USH2A: variants seen among roughly 807,000 people sequenced by gnomAD.
USH2A encodes the protein Usher syndrome 2A (autosomal recessive, mild).
USH2A carries 443 observed loss-of-function variants against 538.9 expected under a neutral mutation model. That is an observed-to-expected ratio of 0.82 (90% CI 0.76 to 0.89). USH2A has a LOEUF of 0.89. Ranked by LOEUF, USH2A falls within the 40% of genes least tolerant of loss-of-function variation. The pLI is 0.00. For missense variants in USH2A, 6,633 were observed against 6,324.8 expected (o/e 1.05, Z -1.65); for synonymous variants, 2,413 against 2,273.5 (o/e 1.06, Z -1.75).
intron 38 of USH2A, among the ~76,000 whole-genome samples, chr1:215,903,172 A>C (rs571823283): frequency 6.6e-6 from 1 of 152,234 alleles, no homozygotes; most frequent in Non-Finnish European, 1.5e-5. Context: ...CAGCTGTATC[A>C]ACTCGGCTGA....
At chr1:216,068,701 A>G (rs1217889296) in intron 30 of USH2A, among the ~76,000 whole-genome samples, 3 of 152,204 alleles carry the variant, frequency 2.0e-5, no homozygotes, top group Admixed American at 2.0e-4. Context: ...GGATAAGAGA[A>G]GCTTTGTAAA....
intron 43 of USH2A, among the ~76,000 whole-genome samples, chr1:215,874,052 A>G (rs1265473062): frequency 6.6e-6 from 1 of 152,202 alleles, no homozygotes; most frequent in Non-Finnish European, 1.5e-5. Context: ...TTAGGAACCA[A>G]GGCAGTGTTG....
intron 61 of USH2A, among the ~76,000 whole-genome samples, chr1:215,716,137 A>G (rs549521771): frequency 9.9e-5 from 15 of 150,960 alleles, no homozygotes; most frequent in African/African-American, 3.4e-4. Flanking sequence ...CAATGTATTA[A>G]TACGTCTCCC....
At chr1:216,030,305 A>G (rs934575003) in intron 32 of USH2A, among the ~76,000 whole-genome samples, 1 of 137,570 alleles carries the variant, frequency 7.3e-6, no homozygotes, top group African/African-American at 2.6e-5. Context: ...TAAGATATAT[A>G]GATATATATC....
intron 32 of USH2A, among the ~76,000 whole-genome samples, chr1:216,011,971 A>ATT (rs36126185): frequency 1.4e-4 from 4 of 28,488 alleles, no homozygotes; most frequent in Non-Finnish European, 2.4e-4. Context: ...ATCACGCTTG[A>ATT]TTTTTTTTTT....
chr1:216,406,697 A>C (rs2039402745), intron 3 of USH2A, among the ~76,000 whole-genome samples: 1 of 152,074 alleles, frequency 6.6e-6, no homozygotes, highest in South Asian at 2.1e-4. Flanking sequence ...TAGTTTTCTC[A>C]ATATATGTTC....
chr1:216,271,505 A>C (rs1306935714), intron 11 of USH2A, among the ~76,000 whole-genome samples: 1 of 151,972 alleles, frequency 6.6e-6, no homozygotes, highest in Non-Finnish European at 1.5e-5. Context: ...CTTGATATTC[A>C]TGGCTTTTTG....
intron 38 of USH2A, among the ~76,000 whole-genome samples, chr1:215,919,023 A>T (rs1318530040): frequency 6.6e-6 from 1 of 152,082 alleles, no homozygotes; most frequent in African/African-American, 2.4e-5. Context: ...ATATTGCATA[A>T]ATTGGAATAC....
chr1:215,779,331 T>C (rs903671430), intron 55 of USH2A, among the ~76,000 whole-genome samples: 1 of 152,176 alleles, frequency 6.6e-6, no homozygotes, highest in Admixed American at 6.5e-5. Flanking sequence ...AGGCTAATGA[T>C]AATAAACATT....
At position 215,684,787 on chromosome 1, in the gene USH2A, A is replaced by T. The variant is rs1336335346; in HGVS notation, c.12067-4411T>A. Among the ~76,000 whole-genome samples, 5 of 152,196 alleles carry T rather than the reference A, an allele frequency of 3.3e-5. No homozygotes were observed. In the South Asian group the frequency reaches 6.2e-4, roughly 19 times the overall value. On this transcript the variant is annotated intron_variant, in intron 61 of 71. Transcript: ENST00000307340. ...CCTTATCCTGGGCTCTTTATCCTGAAATGGATGAGTTTTGGCTTCTGCATC... is the reference window on the plus strand; with the variant it reads ...CCTTATCCTGGGCTCTTTATCCTGATATGGATGAGTTTTGGCTTCTGCATC...
intron 32 of USH2A, among the ~76,000 whole-genome samples, chr1:216,021,163 T>C (rs1453362234): frequency 6.6e-6 from 1 of 152,136 alleles, no homozygotes; most frequent in African/African-American, 2.4e-5. Context: ...CACCACATTT[T>C]GTGTCATGAG....
Position 216,198,434 on chromosome 1 carries a change from T to G in USH2A, c.3962A>C (p.Gln1321Pro). ...CAAGCCAGTGATGGTTGTCATTGTT[T>G]GAGGAGGTTTTAATGCATTTTCATT... The part of the protein sequence containing the change: ...SANENALKPP[Q>P]TMTTITGLEP... The change falls in exon 18 of 72, where the codon CAA becomes CCA. Residue 1321 changes from glutamine (Q) to proline (P), a missense_variant. Physicochemically the swap from Gln to Pro is moderately conservative, Grantham distance 76 (BLOSUM62 -1). Coordinates refer to ENST00000307340, the MANE Select transcript of USH2A (RefSeq NM_206933.4). 1 of 1,614,030 alleles carries G rather than the reference T, an allele frequency of 6.2e-7. No homozygotes were observed. Among genetic ancestry groups the G allele is most frequent in the Admixed American group, 1.7e-5 (1 of 60,002 alleles).
intron 67 of USH2A, among the ~76,000 whole-genome samples, chr1:215,644,662 T>C (rs1221341745): frequency 6.6e-6 from 1 of 152,218 alleles, no homozygotes; most frequent in Non-Finnish European, 1.5e-5. Context: ...TGAATGCTAC[T>C]GGAAAGTCAG....
In USH2A at chr1:216,292,115, G is replaced by A. The variant is rs2037011794; in HGVS notation, c.1840+60C>T. The A allele has an allele frequency of 2.0e-6, 3 of 1,513,740 alleles. No individual in the cohort carries two copies. In the African/African-American group the frequency reaches 4.1e-5, roughly 21 times the overall value. 93.8% of individuals were successfully genotyped at this position (1,513,740 alleles called of 1,614,324 possible). A position where few individuals can be genotyped will look rare whatever the true frequency, so the allele number is the denominator to read the frequency against. On this transcript the variant is annotated intron_variant, in intron 10 of 71. Coordinates refer to ENST00000307340, the MANE Select transcript of USH2A (RefSeq NM_206933.4). ...GCAATAACATAATTTAAAATAATAT[G>A]CATTGTAGATAGAAGCACACAGGCC...
At chr1:216,293,510 T>C (rs763298047) in intron 9 of USH2A, among the ~76,000 whole-genome samples, 25 of 152,246 alleles carry the variant, frequency 1.6e-4, no homozygotes, top group Middle Eastern at 3.2e-3. Flanking sequence ...CCCTCACTTA[T>C]GTTAAGTTCA....
At chr1:216,000,632 C>T (rs920184005) in intron 32 of USH2A, 70 bp from the exon 33 acceptor site, 17 of 1,547,510 alleles carry the variant, frequency 1.1e-5, no homozygotes, top group Non-Finnish European at 1.2e-5. Flanking sequence ...CACTCCTCCA[C>T]TATAGTCCTA....
At chr1:216,214,875 T>C (rs1463613943) in intron 15 of USH2A, among the ~76,000 whole-genome samples, 1 of 152,078 alleles carries the variant, frequency 6.6e-6, no homozygotes, top group Non-Finnish European at 1.5e-5. Context: ...TGTATGTGTA[T>C]AATTTTAGTT....
intron 22 of USH2A, among the ~76,000 whole-genome samples, chr1:216,091,584 A>G (rs574587588): frequency 6.6e-6 from 1 of 152,308 alleles, no homozygotes; most frequent in South Asian, 2.1e-4. Flanking sequence ...CTTTCCCTAA[A>G]CATTTATTCA....
intron 32 of USH2A, among the ~76,000 whole-genome samples, chr1:216,006,452 C>G (rs1191118765): frequency 1.3e-5 from 2 of 152,068 alleles, no homozygotes; most frequent in African/African-American, 4.8e-5. Context: ...TCTTCACATC[C>G]CCAGTCCTCT....
Sources: gnomAD v4.1 joint callset for allele counts (sites outside exome capture counted in the v4.1 genomes callset) on GRCh38, gnomAD v4.1.1 for gene constraint, MANE v1.5 for transcripts, NCBI Gene and HGNC (gene_info 2026-07-23, HGNC 2026-07-21) for gene names.